Variants in CNNM1 observed in about 807,000 individuals in gnomAD.
CNNM1 encodes metal transporter CNNM1.
CNNM1 carries 44 observed loss-of-function variants against 78.8 expected under a neutral mutation model. That is an observed-to-expected ratio of 0.56 (90% CI 0.44 to 0.72). The LOEUF (loss-of-function observed/expected upper bound fraction) is 0.72, where lower values mean the gene tolerates loss of function less well. Among genes scored for constraint, CNNM1 ranks in the 30% least tolerant of loss-of-function variants. The probability of loss-of-function intolerance (pLI) is 0.00; values close to 1 mark genes in which losing one functional copy is unlikely to be tolerated. For missense variants in CNNM1, 1,101 were observed against 1,292.2 expected (o/e 0.85, Z 2.27); for synonymous variants, 584 against 581.5 (o/e 1.00, Z -0.06).
rs1850602370 is a variant in CNNM1 at position 99,330,891 on chromosome 10, T to C, written c.1504T>C (p.Tyr502His). Residue 502 changes from tyrosine to histidine, a missense_variant, in exon 1 of 11, where the codon TAC (tyrosine) becomes CAC (histidine). Coordinates refer to ENST00000356713, the MANE Select transcript of CNNM1 (RefSeq NM_020348.3). ...CCCGCTCCTCACTGTCACCCGCTTC[T>C]ACAACCGGCCCCTGCATTGTGTTTT... ...CTPLLTVTRFYNRPLHCVFND... is the reference protein window; with the variant it reads ...CTPLLTVTRFHNRPLHCVFND... 23 of 1,614,146 alleles carry C rather than the reference T, an allele frequency of 1.4e-5. No homozygotes were observed. Among genetic ancestry groups the C allele is most frequent in the Non-Finnish European group, 1.9e-5 (23 of 1,180,024 alleles).
intron 1 of CNNM1, among the ~76,000 whole-genome samples, chr10:99,338,683 T>C (rs998716800): frequency 1.3e-5 from 2 of 152,170 alleles, no homozygotes; most frequent in Admixed American, 1.3e-4. Flanking sequence ...GAAAATCATA[T>C]GAGGATAATC....
At chr10:99,389,493 G>C (rs1272933799) in intron 9 of CNNM1, among the ~76,000 whole-genome samples, 2 of 151,844 alleles carry the variant, frequency 1.3e-5, no homozygotes, top group Non-Finnish European at 2.9e-5. Flanking sequence ...AGAAAATCTG[G>C]GACATACATA....
In CNNM1 at chr10:99,329,396, G is replaced by T; in HGVS notation, c.9G>T (p.Ala3=). MA[A]AAAAAAAVGV... Reference sequence around the variant, plus strand: ...GCTGCGCTGGGTGCAGGATGGCGGCGGCCGCGGCGGCGGCAGCAGCGGTGG... The same window carrying T: ...GCTGCGCTGGGTGCAGGATGGCGGCTGCCGCGGCGGCGGCAGCAGCGGTGG... Residue 3 remains alanine (A), a synonymous_variant, in exon 1 of 11, where the codon GCG becomes GCT. Transcript: ENST00000356713. The T allele has an allele frequency of 1.3e-6, 1 of 755,662 alleles. No individual in the cohort carries two copies. Among genetic ancestry groups the T allele is most frequent in the Non-Finnish European group, 2.0e-6 (1 of 493,706 alleles). The allele number at this position is 755,662 out of a possible 1,614,324, so 46.8% of individuals were successfully genotyped here.
chr10:99,376,950 C>A, intron 6 of CNNM1, 105 bp from the exon 7 acceptor site: 2 of 1,112,116 alleles, frequency 1.8e-6, no homozygotes, highest in Non-Finnish European at 2.6e-6. Flanking sequence ...TATGGGACCT[C>A]AGTAAACAAC....
At chr10:99,333,695 AG>A (rs1408842169) in intron 1 of CNNM1, among the ~76,000 whole-genome samples, 4 of 152,218 alleles carry the variant, frequency 2.6e-5, no homozygotes, top group Admixed American at 2.6e-4. Flanking sequence ...CAAGGGAGAC[AG>A]GAAGACTGTC....
intron 1 of CNNM1, among the ~76,000 whole-genome samples, chr10:99,350,420 GAA>G (rs2030898465): frequency 6.6e-6 from 1 of 152,178 alleles, no homozygotes; most frequent in Admixed American, 6.5e-5. Flanking sequence ...TATTTTTGAA[GAA>G]GAGAGGAAGC....
Position 99,377,073 on chromosome 10 carries a change from G to T in CNNM1, c.2195G>T (p.Arg732Leu). ...TCTGCAGTAAACCGGTCCCCTTCTC[G>T]CTGCAGTGGGTTGAATCGCTCTGAG... ...SSVFLNRSPS[R>L]CSGLNRSESP... is the part of the protein sequence containing the mutation. The change falls in exon 7 of 11, where the codon CGC becomes CTC. Residue 732 changes from arginine to leucine, a missense_variant. By Grantham distance (102) the Arg-to-Leu change is moderately radical. This residue lies in a region of CNNM1 where 348 missense variants were observed against 384.5 expected (regional missense o/e 0.90). Coordinates refer to ENST00000356713, the MANE Select transcript of CNNM1 (RefSeq NM_020348.3). 6.4e-7 allele frequency: 1 copy of T among 1,560,074 alleles called. No homozygotes were observed. The highest frequency in any genetic ancestry group is 8.7e-7 in the Non-Finnish European group (1 of 1,152,534).
intron 7 of CNNM1, among the ~76,000 whole-genome samples, chr10:99,381,823 C>A (rs192699004): frequency 6.6e-6 from 1 of 150,878 alleles, no homozygotes; most frequent in African/African-American, 2.4e-5. Context: ...TGAGTTCAAG[C>A]TCTTTTTTTT....
chr10:99,342,298 A>G lies in CNNM1; in HGVS notation c.1573+11338A>G, dbSNP rs76627563. ...CAGTGGGAAGTCAGACCTCCAGATA[A>G]TGGGTTGTTACTCTGCTATTTTTAC... On this transcript the variant is annotated intron_variant, in intron 1 of 10. Transcript: ENST00000356713. Among the ~76,000 whole-genome samples, 722 of 152,314 alleles carry G rather than the reference A, an allele frequency of 4.7e-3. 4 individuals carry two copies. The highest frequency in any genetic ancestry group is 0.017 in the African/African-American group (700 of 41,574).
At chr10:99,346,399 T>C (rs1201235200) in intron 1 of CNNM1, among the ~76,000 whole-genome samples, 4 of 152,214 alleles carry the variant, frequency 2.6e-5, no homozygotes. Flanking sequence ...CTACATCATA[T>C]CCACAGATGT....
chr10:99,391,715 C>A lies in CNNM1; in HGVS notation c.*199C>A. 1.8e-6 allele frequency: 1 copy of A among 549,282 alleles called. No homozygotes were observed. The highest frequency in any genetic ancestry group is 3.3e-6 in the Non-Finnish European group (1 of 307,232). The allele number at this position is 549,282 out of a possible 1,614,324, so 34.0% of individuals were successfully genotyped here. On this transcript the variant is annotated 3_prime_UTR_variant, in exon 11 of 11. Transcript: ENST00000356713. Reference sequence around the variant, plus strand: ...AGTTCGACTCAGAACCTTGACATGGCCATAACAGAAGGAGGTGCCTCTGAT... The same window carrying A: ...AGTTCGACTCAGAACCTTGACATGGACATAACAGAAGGAGGTGCCTCTGAT...
At chr10:99,345,128 C>T (rs1031518336) in intron 1 of CNNM1, among the ~76,000 whole-genome samples, 5 of 152,120 alleles carry the variant, frequency 3.3e-5, no homozygotes, top group Admixed American at 3.3e-4. Context: ...TTTATTTTTC[C>T]AAGTCTCAGT....
At chr10:99,337,616 T>C (rs2030248122) in intron 1 of CNNM1, among the ~76,000 whole-genome samples, 1 of 152,230 alleles carries the variant, frequency 6.6e-6, no homozygotes. Flanking sequence ...GCTTCATTGT[T>C]TTATGTGCAT....
chr10:99,349,445 A>G (rs1189239407), intron 1 of CNNM1, among the ~76,000 whole-genome samples: 2 of 152,164 alleles, frequency 1.3e-5, no homozygotes, highest in African/African-American at 2.4e-5. Flanking sequence ...AAAAGTTCCA[A>G]TCATAAGGGT....
At chr10:99,337,855 A>G (rs950745693) in intron 1 of CNNM1, among the ~76,000 whole-genome samples, 18 of 152,266 alleles carry the variant, frequency 1.2e-4, no homozygotes, top group African/African-American at 2.2e-4. Context: ...GCAGAGCACT[A>G]GAAAATGAAT....
At chr10:99,386,657 G>A (rs2032315237) in intron 7 of CNNM1, among the ~76,000 whole-genome samples, 1 of 152,184 alleles carries the variant, frequency 6.6e-6, no homozygotes, top group Non-Finnish European at 1.5e-5. Flanking sequence ...AGGATTGATC[G>A]TGTCCAGTAA....
At position 99,359,084 on chromosome 10, in the gene CNNM1, G is replaced by A. The variant is rs116965066; in HGVS notation, c.1717+1429G>A. 8.4e-4 allele frequency among the ~76,000 whole-genome samples: 123 copies of A among 146,004 alleles called. 1 individual carries two copies. The East Asian group carries it at 0.025, about 30-fold the overall frequency. ...CTAGTGAAGCCATTCACACTAAGGT[G>A]TTAGGTACTGATAATAGTCTAAATG... On this transcript the variant is annotated intron_variant, in intron 2 of 10. Coordinates refer to ENST00000356713, the MANE Select transcript of CNNM1 (RefSeq NM_020348.3).
chr10:99,340,474 C>T (rs866250401), intron 1 of CNNM1, among the ~76,000 whole-genome samples: 4 of 152,246 alleles, frequency 2.6e-5, no homozygotes, highest in Admixed American at 6.5e-5. Context: ...CATCTCAATT[C>T]GATTTTTTAG....
intron 1 of CNNM1, among the ~76,000 whole-genome samples, chr10:99,352,804 T>C (rs139327390): frequency 2.9e-4 from 44 of 152,324 alleles, no homozygotes; most frequent in African/African-American, 9.6e-4. Context: ...CTGTGAATTG[T>C]CTTTTACCTT....
Sources: gnomAD v4.1 joint callset for allele counts (sites outside exome capture counted in the v4.1 genomes callset) on GRCh38, gnomAD v4.1.1 for gene constraint, gnomAD v4.1.1 regional missense constraint, MANE v1.5 for transcripts, NCBI Gene and HGNC (gene_info 2026-07-23, HGNC 2026-07-21) for gene names.